KLHL32: variants seen among roughly 807,000 people sequenced by gnomAD.
The protein encoded by KLHL32 is kelch-like protein 32.
KLHL32 carries 35 observed loss-of-function variants against 64.8 expected under a neutral mutation model. The observed-to-expected ratio is 0.54, with a 90% CI of 0.41 to 0.72. The LOEUF (loss-of-function observed/expected upper bound fraction) is 0.72, where lower values mean the gene tolerates loss of function less well. Ranked by LOEUF, KLHL32 falls within the 30% of genes least tolerant of loss-of-function variation. The pLI, the probability that KLHL32 is intolerant of heterozygous loss-of-function variation, is 0.00. For synonymous variants in KLHL32, 259 were observed against 281.0 expected (o/e 0.92, Z 0.78); for missense variants, 589 against 768.5 (o/e 0.77, Z 2.76).
chr6:96,989,000 T>C (rs1409971817), intron 3 of KLHL32, among the ~76,000 whole-genome samples: 2 of 152,220 alleles, frequency 1.3e-5, no homozygotes, highest in Non-Finnish European at 2.9e-5. Context: ...ATATACCTAA[T>C]GTTAAATGAG....
chr6:96,925,182 T>C (rs994301311), intron 1 of KLHL32, among the ~76,000 whole-genome samples, 156 bp downstream of exon 1: 1 of 152,184 alleles, frequency 6.6e-6, no homozygotes, highest in African/African-American at 2.4e-5. Context: ...GAGCAGCCAC[T>C]ACTCAGGTTA....
intron 3 of KLHL32, among the ~76,000 whole-genome samples, chr6:96,977,673 T>C (rs1358784379): frequency 6.6e-6 from 1 of 152,222 alleles, no homozygotes; most frequent in East Asian, 1.9e-4. Flanking sequence ...AATAATACTG[T>C]TGGTTTTGTT....
At chr6:96,981,092 T>C (rs1465127936) in intron 3 of KLHL32, among the ~76,000 whole-genome samples, 3 of 152,070 alleles carry the variant, frequency 2.0e-5, no homozygotes, top group Admixed American at 6.6e-5. Context: ...AGCATGGAGG[T>C]AACTGCCCCC....
the KLHL32 span, among the ~76,000 whole-genome samples, chr6:96,911,140 C>T: frequency 2.0e-5 from 3 of 152,196 alleles, no homozygotes; most frequent in East Asian, 5.8e-4. Flanking sequence ...TTTATTCTCT[C>T]ATAGTTCTGG....
intron 3 of KLHL32, among the ~76,000 whole-genome samples, chr6:97,018,985 A>G (rs1781613966): frequency 6.6e-6 from 1 of 152,226 alleles, no homozygotes; most frequent in Admixed American, 6.5e-5. Flanking sequence ...CTCAGCACAC[A>G]TGAAACAATT....
At chr6:96,945,711 T>C (rs561954273) in intron 1 of KLHL32, among the ~76,000 whole-genome samples, 1 of 152,334 alleles carries the variant, frequency 6.6e-6, no homozygotes, top group African/African-American at 2.4e-5. Context: ...AATGGCATTC[T>C]TGGGCAGTGT....
upstream of KLHL32, among the ~76,000 whole-genome samples, chr6:96,921,499 C>T (rs1225351984): frequency 1.3e-5 from 2 of 152,172 alleles, no homozygotes; most frequent in Non-Finnish European, 2.9e-5. Flanking sequence ...AACTAGAGAA[C>T]ATCAGCCAAA....
intron 4 of KLHL32, among the ~76,000 whole-genome samples, chr6:97,042,728 A>G (rs554881024): frequency 1.8e-4 from 27 of 152,310 alleles, no homozygotes; most frequent in Non-Finnish European, 4.0e-4. Flanking sequence ...GTAGATCACT[A>G]CAGCTTATTC....
At chr6:96,994,921 G>A (rs1778254652) in intron 3 of KLHL32, among the ~76,000 whole-genome samples, 1 of 152,152 alleles carries the variant, frequency 6.6e-6, no homozygotes, top group Non-Finnish European at 1.5e-5. Context: ...CTAGCAGCAG[G>A]GACCTAATCT....
intron 3 of KLHL32, among the ~76,000 whole-genome samples, chr6:96,984,128 T>A (rs1034578160): frequency 6.6e-6 from 1 of 152,238 alleles, no homozygotes; most frequent in African/African-American, 2.4e-5. Flanking sequence ...TGCCTTCATT[T>A]CGTTATATGC....
At chr6:96,965,297 C>T (rs900995439) in intron 1 of KLHL32, among the ~76,000 whole-genome samples, 23 of 152,112 alleles carry the variant, frequency 1.5e-4, no homozygotes, top group African/African-American at 5.3e-4. Flanking sequence ...TGTCCATTCC[C>T]CTAAGCTTTG....
At chr6:97,032,693 G>T (rs1285775240) in intron 3 of KLHL32, among the ~76,000 whole-genome samples, 2 of 151,824 alleles carry the variant, frequency 1.3e-5, no homozygotes, top group Non-Finnish European at 2.9e-5. Context: ...TCTGAAAAAA[G>T]AACTTGGTTG....
At chr6:96,925,685 G>T (rs2127984830) in intron 1 of KLHL32, among the ~76,000 whole-genome samples, 1 of 152,308 alleles carries the variant, frequency 6.6e-6, no homozygotes, top group Admixed American at 6.5e-5. Context: ...AGCTTCTATT[G>T]TAAATTGACC....
rs569991609 is a variant in KLHL32, at chr6:97,043,027, C to G, written c.312+1428C>G. Reference sequence around the variant, plus strand: ...TCCCACTCTCGTGCTTCCTCTCTTACTATGTGATCTTGGCACATGCCAGCT... The same window carrying G: ...TCCCACTCTCGTGCTTCCTCTCTTAGTATGTGATCTTGGCACATGCCAGCT... On this transcript the variant is annotated intron_variant, in intron 4 of 10. Transcript: ENST00000369261. 7.9e-5 allele frequency among the ~76,000 whole-genome samples: 12 copies of G among 152,322 alleles called. No individual in the cohort carries two copies. The South Asian group carries it at 2.1e-3, about 26-fold the overall frequency.
At chr6:96,906,443 G>A in the KLHL32 span, among the ~76,000 whole-genome samples, 14,108 of 152,104 alleles carry the variant, frequency 0.093, 827 homozygotes, top group Non-Finnish European at 0.13. Flanking sequence ...TAAAATGATC[G>A]GAAAGAGTCT....
chr6:96,941,748 G>A (rs927495990), intron 1 of KLHL32, among the ~76,000 whole-genome samples: 2 of 137,674 alleles, frequency 1.5e-5, no homozygotes, highest in East Asian at 2.1e-4. Flanking sequence ...TCACATAGCT[G>A]CCTTTTTTCT....
At chr6:96,954,451 G>A (rs771591704) in intron 1 of KLHL32, among the ~76,000 whole-genome samples, 19 of 151,732 alleles carry the variant, frequency 1.3e-4, no homozygotes, top group Non-Finnish European at 2.2e-4. Context: ...GTTATGCAGC[G>A]ATTACCCCAT....
chr6:96,936,125 C>T (rs987638158), intron 1 of KLHL32, among the ~76,000 whole-genome samples: 8 of 152,142 alleles, frequency 5.3e-5, no homozygotes, highest in African/African-American at 1.9e-4. Context: ...CCTTTATAGG[C>T]AGGCTAAGTC....
chr6:96,993,870 T>C (rs1331770157), intron 3 of KLHL32, among the ~76,000 whole-genome samples: 1 of 152,122 alleles, frequency 6.6e-6, no homozygotes, highest in Admixed American at 6.6e-5. Context: ...GAGAATATCA[T>C]TGAGGTTAGG....
Sources: gnomAD v4.1 joint callset for allele counts (sites outside exome capture counted in the v4.1 genomes callset) on GRCh38, gnomAD v4.1.1 for gene constraint, MANE v1.5 for transcripts, NCBI Gene and HGNC (gene_info 2026-07-23, HGNC 2026-07-21) for gene names.